Variants in NPAS3 observed in about 807,000 individuals in gnomAD.
NPAS3 encodes neuronal PAS domain-containing protein 3.
Under a neutral mutation model 73.1 loss-of-function variants are expected in NPAS3, and 14 were observed. The ratio of observed to expected loss-of-function variants is 0.19; its 90% confidence interval spans 0.13 to 0.30. The LOEUF (loss-of-function observed/expected upper bound fraction) is 0.30, where lower values mean the gene tolerates loss of function less well. Among genes scored for constraint, NPAS3 ranks in the 10% least tolerant of loss-of-function variants. NPAS3 has a pLI of 1.00. For missense variants in NPAS3, 1,096 were observed against 1,250.0 expected (o/e 0.88, Z 1.86); for synonymous variants, 620 against 541.5 (o/e 1.14, Z -2.01).
chr14:32,961,479 C>T (rs951683189), intron 1 of NPAS3, among the ~76,000 whole-genome samples: 7 of 151,480 alleles, frequency 4.6e-5, no homozygotes, highest in African/African-American at 1.7e-4. Flanking sequence ...TTATATTGGT[C>T]CTGCTGTTTT....
intron 1 of NPAS3, among the ~76,000 whole-genome samples, chr14:33,006,173 T>A (rs1451594417): frequency 1.3e-5 from 2 of 152,026 alleles, no homozygotes; most frequent in Non-Finnish European, 2.9e-5. Flanking sequence ...ACATTCCTAA[T>A]CAGGACTCTC....
intron 9 of NPAS3, among the ~76,000 whole-genome samples, chr14:33,785,999 C>T (rs189045306): frequency 3.5e-4 from 54 of 152,304 alleles, no homozygotes; most frequent in African/African-American, 1.3e-3. Flanking sequence ...TTCCCCACCA[C>T]CCCACAGCAG....
intron 9 of NPAS3, among the ~76,000 whole-genome samples, chr14:33,784,310 G>A (rs1387714767): frequency 6.6e-6 from 1 of 151,804 alleles, no homozygotes; most frequent in East Asian, 1.9e-4. Flanking sequence ...AAGCAACTAA[G>A]GTATGGTGTC....
At chr14:33,638,828 G>A (rs1309081637) in intron 5 of NPAS3, among the ~76,000 whole-genome samples, 3 of 152,208 alleles carry the variant, frequency 2.0e-5, no homozygotes, top group African/African-American at 7.2e-5. Context: ...TCTTCTGACA[G>A]CCATGAACAC....
intron 3 of NPAS3, among the ~76,000 whole-genome samples, chr14:33,330,295 T>C (rs2043924985): frequency 6.6e-6 from 1 of 152,098 alleles, no homozygotes; most frequent in Non-Finnish European, 1.5e-5. Flanking sequence ...ACGAATATGC[T>C]TACTCTACCT....
intron 2 of NPAS3, among the ~76,000 whole-genome samples, chr14:33,082,225 C>A (rs943727579): frequency 2.0e-5 from 3 of 151,978 alleles, no homozygotes; most frequent in Admixed American, 6.5e-5. Flanking sequence ...ATTTATAAGA[C>A]AATATTGGTT....
chr14:33,737,274 A>G (rs1255987986), intron 7 of NPAS3, among the ~76,000 whole-genome samples: 4 of 152,166 alleles, frequency 2.6e-5, no homozygotes, highest in African/African-American at 9.6e-5. Context: ...ATGAGTGGTA[A>G]ATGAGAAGGG....
intron 4 of NPAS3, among the ~76,000 whole-genome samples, chr14:33,479,705 A>G (rs1372678195): frequency 1.3e-5 from 2 of 152,134 alleles, no homozygotes; most frequent in South Asian, 2.1e-4. Flanking sequence ...GCGCCAATCA[A>G]TATTTCTTGA....
At chr14:33,517,888 A>C (rs2053377186) in intron 4 of NPAS3, among the ~76,000 whole-genome samples, 1 of 152,040 alleles carries the variant, frequency 6.6e-6, no homozygotes, top group Admixed American at 6.6e-5. Context: ...GTGCTCAGTA[A>C]ATGAGTAACA....
Position 33,137,886 on chromosome 14 carries a change from G to A in NPAS3, c.141-77296G>A, listed in dbSNP as rs59856877. Reference sequence around the variant, plus strand: ...TGGAATTCTGTTGTGAAATAGACTAGAGATTCTCAATAGTTTTTGGGGAGA... The same window carrying A: ...TGGAATTCTGTTGTGAAATAGACTAAAGATTCTCAATAGTTTTTGGGGAGA... On this transcript the variant is annotated intron_variant, in intron 2 of 11. Coordinates refer to ENST00000356141, the Ensembl canonical transcript of NPAS3. Among the ~76,000 whole-genome samples, 510 of 152,172 alleles carry A rather than the reference G, an allele frequency of 3.4e-3. 1 individual carries two copies. The highest frequency in any genetic ancestry group is 0.012 in the African/African-American group (494 of 41,500).
intron 4 of NPAS3, among the ~76,000 whole-genome samples, chr14:33,552,905 C>T (rs1458695190): frequency 6.6e-6 from 1 of 152,124 alleles, no homozygotes; most frequent in Non-Finnish European, 1.5e-5. Flanking sequence ...CGGAAGTCTA[C>T]CGTTCAGTAA....
chr14:33,593,311 G>T (rs560215714), intron 5 of NPAS3, among the ~76,000 whole-genome samples: 1 of 152,256 alleles, frequency 6.6e-6, no homozygotes, highest in Admixed American at 6.5e-5. Flanking sequence ...GTGATGTTGA[G>T]CTCCAAAGCC....
intron 2 of NPAS3, among the ~76,000 whole-genome samples, chr14:33,141,474 A>G (rs1463934680): frequency 6.6e-6 from 1 of 152,254 alleles, no homozygotes; most frequent in Non-Finnish European, 1.5e-5. Context: ...GACAAATATA[A>G]AGATGAAAAT....
rs558034068 is a variant in NPAS3, at chr14:33,203,912, C to T, written c.141-11270C>T. On this transcript the variant is annotated intron_variant, in intron 2 of 11. Transcript: ENST00000356141. ...GGAATCGCCACACCGACTTCCACAACGGTTGAACTAGTTTACAGTCCCACC... is the reference window on the plus strand; with the variant it reads ...GGAATCGCCACACCGACTTCCACAATGGTTGAACTAGTTTACAGTCCCACC... 1.8e-4 allele frequency among the ~76,000 whole-genome samples: 28 copies of T among 152,278 alleles called. 1 individual carries two copies. The highest frequency in any genetic ancestry group is 1.0e-3 in the South Asian group (5 of 4,828).
chr14:33,681,315 G>A (rs970371508), intron 6 of NPAS3, among the ~76,000 whole-genome samples: 3 of 152,112 alleles, frequency 2.0e-5, no homozygotes, highest in Non-Finnish European at 4.4e-5. Context: ...TTTGTATTGG[G>A]TCAAGATTTC....
At chr14:33,480,576 T>TCTCTCTCTCCCTTTCTCCCACC (rs2051278923) in intron 4 of NPAS3, among the ~76,000 whole-genome samples, 1 of 88,726 alleles carries the variant, frequency 1.1e-5, no homozygotes, top group Non-Finnish European at 2.1e-5. Flanking sequence ...TCCCTCCCTC[T>TCTCTCTCTCCCTTTCTCCCACC]CTCTCTCTCC....
chr14:33,571,253 C>A (rs569011719), intron 5 of NPAS3, among the ~76,000 whole-genome samples: 1 of 152,254 alleles, frequency 6.6e-6, no homozygotes, highest in Admixed American at 6.5e-5. Context: ...CAGCTTGAAT[C>A]TTCATTTTTC....
At position 33,533,754 on chromosome 14, in the gene NPAS3, T is replaced by C. The variant is rs571830985; in HGVS notation, c.469-26367T>C. On this transcript the variant is annotated intron_variant, in intron 4 of 11. Coordinates refer to ENST00000356141, the Ensembl canonical transcript of NPAS3. The stretch of plus-strand genomic sequence containing the variant: ...TACAAAAAAGAAAATCACACCTGTA[T>C]GTGGTGACGTGAAAAGAGATCCGAA... Among the ~76,000 whole-genome samples the C allele has an allele frequency of 5.2e-4, 79 of 152,266 alleles. 1 individual carries two copies. In the South Asian group the frequency reaches 8.9e-3, roughly 17 times the overall value.
chr14:33,313,803 G>A lies in NPAS3; in HGVS notation c.386-53383G>A, dbSNP rs898527379. Among the ~76,000 whole-genome samples, 5 of 151,960 alleles carry A rather than the reference G, an allele frequency of 3.3e-5. No individual in the cohort carries two copies. The South Asian group carries it at 6.2e-4, about 19-fold the overall frequency. ...ATACCAGAGAATCATGTTCACTTTG[G>A]GATTTCGAAAATAGCAATCTCTATA... On this transcript the variant is annotated intron_variant, in intron 3 of 11. Transcript: ENST00000356141.
Sources: allele counts gnomAD v4.1 joint callset (sites outside exome capture counted in the v4.1 genomes callset), GRCh38; gene constraint gnomAD v4.1.1; transcripts MANE v1.5; gene names NCBI Gene and HGNC (gene_info 2026-07-23, HGNC 2026-07-21).